FOXP2: variants seen among roughly 807,000 people sequenced by gnomAD.
The protein encoded by FOXP2 is forkhead box P2, also known as forkhead box protein P2.
Under a neutral mutation model 115.8 loss-of-function variants are expected in FOXP2, and 12 were observed. That is an observed-to-expected ratio of 0.10 (90% confidence interval 0.07 to 0.17). The LOEUF is 0.17. Among genes scored for constraint, FOXP2 ranks in the 10% least tolerant of loss-of-function variants. FOXP2 has a pLI of 1.00. For missense variants in FOXP2, 629 were observed against 843.5 expected, an observed-to-expected ratio of 0.75 and a Z score of 3.15; for synonymous variants, 328 against 297.7, an observed-to-expected ratio of 1.10 and a Z score of -1.05.
intron 2 of FOXP2, among the ~76,000 whole-genome samples, chr7:114,299,940 T>C (rs1796837407): frequency 6.6e-6 from 1 of 152,122 alleles, no homozygotes; most frequent in South Asian, 2.1e-4. Flanking sequence ...TCATTTACAC[T>C]TTCAGGTTGA....
chr7:114,339,413 C>G (rs774399461), intron 2 of FOXP2, among the ~76,000 whole-genome samples: 1 of 151,096 alleles, frequency 6.6e-6, no homozygotes, highest in Non-Finnish European at 1.5e-5. Context: ...TTTGCTTTTG[C>G]TTTTTGTGAA....
chr7:114,648,268 C>T (rs1334166994), intron 8 of FOXP2, among the ~76,000 whole-genome samples: 4 of 151,850 alleles, frequency 2.6e-5, no homozygotes, highest in East Asian at 1.9e-4. Context: ...GGTGACAGTG[C>T]CCCCCCATCT....
At chr7:114,264,135 T>A (rs1295796770) in intron 1 of FOXP2, among the ~76,000 whole-genome samples, 1 of 152,110 alleles carries the variant, frequency 6.6e-6, no homozygotes, top group Non-Finnish European at 1.5e-5. Flanking sequence ...TATTAATATG[T>A]TATTTGCCTT....
intron 2 of FOXP2, among the ~76,000 whole-genome samples, chr7:114,306,970 C>A (rs994253171): frequency 6.6e-6 from 1 of 152,124 alleles, no homozygotes; most frequent in Non-Finnish European, 1.5e-5. Context: ...TAATTCCAGA[C>A]GATCTCCCTA....
chr7:114,573,561 A>C (rs1168924074), intron 3 of FOXP2, among the ~76,000 whole-genome samples: 1 of 151,856 alleles, frequency 6.6e-6, no homozygotes, highest in Non-Finnish European at 1.5e-5. Context: ...TTATTACAAT[A>C]GTTTTCAAAT....
At chr7:114,631,254 G>A (rs1222926147) in intron 5 of FOXP2, among the ~76,000 whole-genome samples, 1 of 151,948 alleles carries the variant, frequency 6.6e-6, no homozygotes, top group Non-Finnish European at 1.5e-5. Flanking sequence ...ACAATAAGTA[G>A]ATTTTAAAAA....
Position 114,211,089 on chromosome 7 carries a change from C to T in FOXP2, c.-102+48001C>T, listed in dbSNP as rs531985265. Among the ~76,000 whole-genome samples, 8 of 152,310 alleles carry T rather than the reference C, an allele frequency of 5.3e-5. No individual in the cohort carries two copies. In the South Asian group the frequency reaches 1.2e-3, roughly 24 times the overall value. On this transcript the variant is annotated intron_variant, in intron 1 of 17. Transcript: ENST00000634411. ...GCCTCAGGCAGATTCCAGCTTGCTG[C>T]TGTTGGCTGGTTGGAATTTCAGGCC...
chr7:114,238,684 A>T (rs1795073019), intron 1 of FOXP2, among the ~76,000 whole-genome samples: 1 of 151,804 alleles, frequency 6.6e-6, no homozygotes, highest in Admixed American at 6.6e-5. Context: ...AGGGAGGATG[A>T]TGGGTTGGGT....
At chr7:114,489,795 A>G (rs1796949980) in intron 2 of FOXP2, among the ~76,000 whole-genome samples, 1 of 152,168 alleles carries the variant, frequency 6.6e-6, no homozygotes, top group African/African-American at 2.4e-5. Flanking sequence ...GCCAAATAAA[A>G]TATGTAGGTG....
At chr7:114,162,177 C>A (rs1792858424), upstream of FOXP2, among the ~76,000 whole-genome samples, 1 of 152,074 alleles carries the variant, frequency 6.6e-6, no homozygotes, top group African/African-American at 2.4e-5. Context: ...AGAACAAATT[C>A]TCTTAAACTT....
intron 2 of FOXP2, among the ~76,000 whole-genome samples, chr7:114,510,585 T>C (rs1034031568): frequency 6.6e-6 from 1 of 152,216 alleles, no homozygotes; most frequent in African/African-American, 2.4e-5. Flanking sequence ...AATGTGGTAA[T>C]CTTTTGAACC....
chr7:114,311,267 C>T (rs1797141647), intron 2 of FOXP2, among the ~76,000 whole-genome samples: 1 of 152,130 alleles, frequency 6.6e-6, no homozygotes, highest in Non-Finnish European at 1.5e-5. Context: ...ACATTTTCCC[C>T]CTCAAGAGTC....
At chr7:114,182,639 T>G (rs1793486857) in intron 1 of FOXP2, among the ~76,000 whole-genome samples, 1 of 151,804 alleles carries the variant, frequency 6.6e-6, no homozygotes, top group Non-Finnish European at 1.5e-5. Flanking sequence ...TAAAAAATAT[T>G]TCAAGCTGAA....
intron 1 of FOXP2, among the ~76,000 whole-genome samples, chr7:114,263,682 C>A (rs1795818126): frequency 6.6e-6 from 1 of 151,486 alleles, no homozygotes; most frequent in Admixed American, 6.6e-5. Context: ...CTATACCATC[C>A]TGCATTGTCT....
intron 2 of FOXP2, among the ~76,000 whole-genome samples, chr7:114,314,361 G>A (rs1171057093): frequency 6.6e-6 from 1 of 151,650 alleles, no homozygotes; most frequent in South Asian, 2.1e-4. Context: ...ATTTTGCTCT[G>A]CCCCAGCTGT....
chr7:114,656,050 G>A (rs1464364384), intron 10 of FOXP2, among the ~76,000 whole-genome samples: 4 of 152,052 alleles, frequency 2.6e-5, no homozygotes, highest in East Asian at 3.8e-4. Context: ...GTGATTGTAC[G>A]CCTACAAACA....
At chr7:114,248,180 C>CAGAGAGAGAGAGAG (rs71314647) in intron 1 of FOXP2, among the ~76,000 whole-genome samples, 24 of 146,068 alleles carry the variant, frequency 1.6e-4, no homozygotes, top group Non-Finnish European at 2.9e-4. Context: ...AGCTTAAAAA[C>CAGAGAGAGAGAGAG]AGAGAGAGAG....
At chr7:114,470,779 A>G (rs1000608379) in intron 2 of FOXP2, among the ~76,000 whole-genome samples, 4 of 152,016 alleles carry the variant, frequency 2.6e-5, no homozygotes, top group East Asian at 1.9e-4. Context: ...TAGACTTCCA[A>G]TTCATCCTAG....
chr7:114,217,218 G>A, intron 1 of FOXP2, among the ~76,000 whole-genome samples: 1 of 152,130 alleles, frequency 6.6e-6, no homozygotes, highest in East Asian at 1.9e-4. Flanking sequence ...GGATTGGCAG[G>A]CCCTCTGTAG....
Sources: allele counts gnomAD v4.1 joint callset (sites outside exome capture counted in the v4.1 genomes callset), GRCh38; gene constraint gnomAD v4.1.1; transcripts MANE v1.5; gene names NCBI Gene and HGNC (gene_info 2026-07-23, HGNC 2026-07-21).